TMEM200B: variants seen among roughly 807,000 people sequenced by gnomAD.
TMEM200B encodes the protein transmembrane protein TTMA.
TMEM200B carries 12 observed loss-of-function variants against 17.6 expected under a neutral mutation model. That is an observed-to-expected ratio of 0.68 (90% CI 0.44 to 1.11). The LOEUF is 1.11. TMEM200B is among the 50% of genes least tolerant of loss of function. The probability of loss-of-function intolerance (pLI) is 0.00; values close to 1 mark genes in which losing one functional copy is unlikely to be tolerated. For synonymous variants in TMEM200B, 234 were observed against 209.2 expected, an observed-to-expected ratio of 1.12 and a Z score of -1.02; for missense variants, 456 against 447.6, an observed-to-expected ratio of 1.02 and a Z score of -0.17.
At position 29,121,673 on chromosome 1, in the gene TMEM200B, C is replaced by G; in HGVS notation, c.156G>C (p.Ser52=). The change falls in exon 2 of 2, where the codon TCG becomes TCC. Residue 52 remains serine (S), a synonymous_variant. Transcript: ENST00000521452. This position sits in a 1 kb window ranked among gnomAD's most constrained non-coding sequence, Gnocchi z 5.6. The part of the protein sequence containing the change: ...VRARLRLRSP[S]GAFAALGALV... Reference sequence around the variant, plus strand: ...GCGCCCCCAGCGCCGCGAACGCCCCCGACGGCGAGCGCAGCCGCAGCCGCG... The same window carrying G: ...GCGCCCCCAGCGCCGCGAACGCCCCGGACGGCGAGCGCAGCCGCAGCCGCG... 2.9e-6 allele frequency: 4 copies of G among 1,376,886 alleles called. No homozygotes were observed. Among genetic ancestry groups the G allele is most frequent in the Non-Finnish European group, 3.7e-6 (4 of 1,066,928 alleles). The allele number at this position is 1,376,886 out of a possible 1,614,324, so 85.3% of individuals were successfully genotyped here.
In TMEM200B at chr1:29,121,199, G is replaced by A. The variant is rs756801143; in HGVS notation, c.630C>T (p.Pro210=). The A allele has an allele frequency of 5.0e-6, 8 of 1,613,460 alleles. No individual in the cohort carries two copies. Among genetic ancestry groups the A allele is most frequent in the Non-Finnish European group, 6.8e-6 (8 of 1,180,008 alleles). ...CAGGTAACCCCAAGCGAGGATTAGC[G>A]GGCTCTGAACGCAGACTCCGCACTG... The part of the protein sequence containing the change: ...VPSVRSLRSE[P]ANPRLGLPAL... The change falls in exon 2 of 2, where the codon CCC becomes CCT. Residue 210 remains proline (P), a synonymous_variant. Coordinates refer to ENST00000521452, the MANE Select transcript of TMEM200B (RefSeq NM_001003682.4). This position sits in a 1 kb window ranked among gnomAD's most constrained non-coding sequence, Gnocchi z 5.6.
chr1:29,121,145 G>A lies in TMEM200B; in HGVS notation c.684C>T (p.Gly228=). Residue 228 remains glycine (G), a synonymous_variant, in exon 2 of 2, where the codon GGC becomes GGT. Coordinates refer to ENST00000521452, the MANE Select transcript of TMEM200B (RefSeq NM_001003682.4). The surrounding 1 kb of genome is among the most constrained non-coding windows in gnomAD (Gnocchi z 5.6). ...PALLNSYPLK[G]PGLPPPWGPR... The stretch of plus-strand genomic sequence containing the variant: ...GACCCCAGGGTGGGGGCAGCCCGGG[G>A]CCCTTCAGCGGGTAGCTGTTGAGCA... 1 of 1,613,720 alleles carries A rather than the reference G, an allele frequency of 6.2e-7. No individual in the cohort carries two copies. Among genetic ancestry groups the A allele is most frequent in the Non-Finnish European group, 8.5e-7 (1 of 1,180,030 alleles).
rs1158771295 is a variant in TMEM200B at position 29,119,631 on chromosome 1, G to C, written c.*1274C>G. 3 of 152,472 alleles carry C rather than the reference G, an allele frequency of 2.0e-5. No individual in the cohort carries two copies. Among genetic ancestry groups the C allele is most frequent in the Non-Finnish European group, 4.4e-5 (3 of 68,284 alleles). 9.4% of individuals were successfully genotyped at this position (152,472 alleles called of 1,614,324 possible). On this transcript the variant is annotated 3_prime_UTR_variant, in exon 2 of 2. Coordinates refer to ENST00000521452, the MANE Select transcript of TMEM200B (RefSeq NM_001003682.4). ...CCGCTGGGCCCATCAGTGTGTGTTG[G>C]GGGGATGCTTGGCAGCTGGGGGTGA...
intron 1 of TMEM200B, among the ~76,000 whole-genome samples, 171 bp from the exon 2 acceptor site, chr1:29,122,019 C>A (rs963018738): frequency 3.9e-5 from 6 of 152,118 alleles, no homozygotes; most frequent in South Asian, 2.1e-4. Flanking sequence ...GGGAGCCGCC[C>A]GCGCTCGGGT....
intron 1 of TMEM200B, chr1:29,122,591 C>G (rs1558376625): frequency 1.3e-5 from 2 of 152,428 alleles, no homozygotes. Flanking sequence ...CCCCAGCGGT[C>G]GTGCTGGGGC....
Position 29,121,945 on chromosome 1 carries a change from G to T in TMEM200B, c.-20-97C>A. On this transcript the variant is annotated intron_variant, in intron 1 of 1. Transcript: ENST00000521452. The surrounding 1 kb of genome is among the most constrained non-coding windows in gnomAD (Gnocchi z 5.6). ...CAAATCCGGGAGGGAAGCTCCGGCC[G>T]CCCAGCCCAGGCCGCTTGGAGATCC... 1.1e-6 allele frequency: 1 copy of T among 947,702 alleles called. No homozygotes were observed. Among genetic ancestry groups the T allele is most frequent in the Non-Finnish European group, 1.3e-6 (1 of 761,358 alleles). The allele number at this position is 947,702 out of a possible 1,614,324, so 58.7% of individuals were successfully genotyped here.
rs371150875 is a variant in TMEM200B, at chr1:29,121,822, C to T, written c.7G>A (p.Ala3Thr). MT[A>T]GSPEECGEVR... is the part of the protein sequence containing the mutation. ...TCCCCGCATTCTTCGGGGCTCCCGG[C>T]CGTCATCTCGCCGTCGTCTGGGCGC... is the stretch of plus-strand genomic sequence containing the variant. Residue 3 changes from alanine (A) to threonine (T), a missense_variant, in exon 2 of 2, where the codon GCC becomes ACC. Ala to Thr is a moderately conservative substitution (Grantham distance 58). Coordinates refer to ENST00000521452, the MANE Select transcript of TMEM200B (RefSeq NM_001003682.4). The surrounding 1 kb of genome is among the most constrained non-coding windows in gnomAD (Gnocchi z 5.6). 1.3e-4 allele frequency: 166 copies of T among 1,287,530 alleles called. 1 individual carries two copies. The African/African-American group carries it at 2.5e-3, about 19-fold the overall frequency. The allele number at this position is 1,287,530 out of a possible 1,614,324, so 79.8% of individuals were successfully genotyped here.
In TMEM200B at chr1:29,121,605, C is replaced by T; in HGVS notation, c.224G>A (p.Trp75Ter). 1 of 1,492,668 alleles carries T rather than the reference C, an allele frequency of 6.7e-7. No homozygotes were observed. The highest frequency in any genetic ancestry group is 1.3e-5 in the South Asian group (1 of 79,506). 92.5% of individuals were successfully genotyped at this position (1,492,668 alleles called of 1,614,324 possible). The stretch of plus-strand genomic sequence containing the variant: ...CCCTGGGGCCCCGGCCCGGTGCGGC[C>T]AGTAGCCGGCCACTGCAATGCCCAT... ...VGMGIAVAGYWPHRAGAPGSR... is the reference protein window; with the variant it reads ...VGMGIAVAGY The change falls in exon 2 of 2, where the codon TGG becomes TAG. Residue 75 changes from tryptophan to a stop codon, truncating the protein, a stop_gained. Coordinates refer to ENST00000521452, the MANE Select transcript of TMEM200B (RefSeq NM_001003682.4). LOFTEE classifies it high-confidence loss of function. The surrounding 1 kb of genome is among the most constrained non-coding windows in gnomAD (Gnocchi z 5.6).
At position 29,121,708 on chromosome 1, in the gene TMEM200B, G is replaced by A. The variant is rs1347184330; in HGVS notation, c.121C>T (p.Arg41Trp). ...RRPRSPPEPL[R>W]VRARLRLRSP... ...CGCAGCCGCAGCCGCGCCCGCACCC[G>A]CAGAGGCTCGGGCGGGGAGCGCGGG... The change falls in exon 2 of 2, where the codon CGG becomes TGG. Residue 41 changes from arginine to tryptophan, a missense_variant. By Grantham distance (101) the Arg-to-Trp change is moderately radical. Transcript: ENST00000521452. This position sits in a 1 kb window ranked among gnomAD's most constrained non-coding sequence, Gnocchi z 5.6. 5.5e-6 allele frequency: 7 copies of A among 1,267,398 alleles called. No homozygotes were observed. The highest frequency in any genetic ancestry group is 5.4e-5 in the South Asian group (2 of 37,122). 78.5% of individuals were successfully genotyped at this position (1,267,398 alleles called of 1,614,324 possible). A position where few individuals can be genotyped will look rare whatever the true frequency, so the allele number is the denominator to read the frequency against.
At position 29,121,959 on chromosome 1, in the gene TMEM200B, G is replaced by A. The variant is rs1671818136; in HGVS notation, c.-20-111C>T. The A allele has an allele frequency of 1.2e-6, 1 of 847,184 alleles. No homozygotes were observed. The highest frequency in any genetic ancestry group is 4.9e-5 in the East Asian group (1 of 20,470). 52.5% of individuals were successfully genotyped at this position (847,184 alleles called of 1,614,324 possible). On this transcript the variant is annotated intron_variant, in intron 1 of 1. Coordinates refer to ENST00000521452, the MANE Select transcript of TMEM200B (RefSeq NM_001003682.4). The surrounding 1 kb of genome is among the most constrained non-coding windows in gnomAD (Gnocchi z 5.6). Reference sequence around the variant, plus strand: ...AAGCTCCGGCCGCCCAGCCCAGGCCGCTTGGAGATCCCTGGCGGCCACCCC... The same window carrying A: ...AAGCTCCGGCCGCCCAGCCCAGGCCACTTGGAGATCCCTGGCGGCCACCCC...
At chr1:29,123,556 T>G (rs1671891283) in intron 1 of TMEM200B, among the ~76,000 whole-genome samples, 1 of 149,944 alleles carries the variant, frequency 6.7e-6, no homozygotes, top group African/African-American at 2.5e-5. Context: ...ACAAGCAGAG[T>G]GGGGACATGG....
Position 29,119,581 on chromosome 1 carries a change from A to G in TMEM200B, c.*1324T>C, listed in dbSNP as rs1671545566. ...GGGACCCGTCAGGGCCCCGTGACCC[A>G]TCCCCGTCCCCACCCCCCCCTCCAC... On this transcript the variant is annotated 3_prime_UTR_variant, in exon 2 of 2. Transcript: ENST00000521452. The G allele has an allele frequency of 6.6e-6, 1 of 151,716 alleles. No homozygotes were observed. The highest frequency in any genetic ancestry group is 2.1e-4 in the South Asian group (1 of 4,804). The allele number at this position is 151,716 out of a possible 1,614,324, so 9.4% of individuals were successfully genotyped here.
At position 29,121,223 on chromosome 1, in the gene TMEM200B, T is replaced by C; in HGVS notation, c.606A>G (p.Ser202=). The change falls in exon 2 of 2, where the codon TCA becomes TCG. Residue 202 remains serine, a synonymous_variant. Coordinates refer to ENST00000521452, the MANE Select transcript of TMEM200B (RefSeq NM_001003682.4). The surrounding 1 kb of genome is among the most constrained non-coding windows in gnomAD (Gnocchi z 5.6). ...SPRRGTSPVP[S]VRSLRSEPAN... Reference sequence around the variant, plus strand: ...CGGGCTCTGAACGCAGACTCCGCACTGACGGGACGGGTGAAGTACCCCGAC... The same window carrying C: ...CGGGCTCTGAACGCAGACTCCGCACCGACGGGACGGGTGAAGTACCCCGAC... The C allele has an allele frequency of 6.2e-7, 1 of 1,613,330 alleles. No homozygotes were observed.
Position 29,120,019 on chromosome 1 carries a change from T to TC in TMEM200B, c.*885dup, listed in dbSNP as rs1267564627. On this transcript the variant is annotated 3_prime_UTR_variant, in exon 2 of 2. Coordinates refer to ENST00000521452, the MANE Select transcript of TMEM200B (RefSeq NM_001003682.4). ...TCTTGCTTCTTGTATTGCATTTTTTTCAATAAACAACAACAAAAAGAACTC... is the reference window on the plus strand; with the variant it reads ...TCTTGCTTCTTGTATTGCATTTTTTTCCAATAAACAACAACAAAAAGAACTC... 6.6e-6 allele frequency: 1 copy of TC among 152,644 alleles called. No homozygotes were observed. The highest frequency in any genetic ancestry group is 1.5e-5 in the Non-Finnish European group (1 of 68,042). 9.5% of individuals were successfully genotyped at this position (152,644 alleles called of 1,614,324 possible). A position where few individuals can be genotyped will look rare whatever the true frequency, so the allele number is the denominator to read the frequency against.
intron 1 of TMEM200B, among the ~76,000 whole-genome samples, chr1:29,122,178 C>A (rs1250212984): frequency 3.3e-5 from 5 of 152,142 alleles, no homozygotes; most frequent in Non-Finnish European, 5.9e-5. Flanking sequence ...CGCAAGCCCG[C>A]GGGTCTTGGG....
At chr1:29,122,720 C>A (rs960343098) in intron 1 of TMEM200B, among the ~76,000 whole-genome samples, 2 of 152,178 alleles carry the variant, frequency 1.3e-5, no homozygotes, top group Admixed American at 6.5e-5. Flanking sequence ...CCAATTCGGG[C>A]TCCTCCGGAT....
chr1:29,121,378 C>T lies in TMEM200B; in HGVS notation c.451G>A (p.Val151Met), dbSNP rs1035742904. The T allele has an allele frequency of 1.9e-6, 3 of 1,549,502 alleles. No homozygotes were observed. Among genetic ancestry groups the T allele is most frequent in the African/African-American group, 1.4e-5 (1 of 73,446 alleles). Residue 151 changes from valine to methionine, a missense_variant, in exon 2 of 2, where the codon GTG becomes ATG. By Grantham distance (21) the Val-to-Met change is conservative. Coordinates refer to ENST00000521452, the MANE Select transcript of TMEM200B (RefSeq NM_001003682.4). The surrounding 1 kb of genome is among the most constrained non-coding windows in gnomAD (Gnocchi z 5.6). The part of the protein sequence containing the change: ...DLETRRLRQG[V>M]LRAQALRPPD... ...GGCCGGAGCGCCTGGGCCCGCAGCA[C>T]CCCCTGGCGGAGCCGTCGCGTCTCC...
chr1:29,121,573 C>T lies in TMEM200B; in HGVS notation c.256G>A (p.Ala86Thr). Residue 86 changes from alanine to threonine, a missense_variant, in exon 2 of 2, where the codon GCC becomes ACC. Transcript: ENST00000521452. This position sits in a 1 kb window ranked among gnomAD's most constrained non-coding sequence, Gnocchi z 5.6. ...ATCTGGGGCGAGCTGGCATTGGCGG[C>T]CCGGGACCCTGGGGCCCCGGCCCGG... Reference protein sequence around the residue: ...PHRAGAPGSRAANASSPQMSE... With the variant: ...PHRAGAPGSRTANASSPQMSE... 1 of 1,498,480 alleles carries T rather than the reference C, an allele frequency of 6.7e-7. No individual in the cohort carries two copies. Among genetic ancestry groups the T allele is most frequent in the East Asian group, 2.7e-5 (1 of 37,064 alleles). The allele number at this position is 1,498,480 out of a possible 1,614,324, so 92.8% of individuals were successfully genotyped here.
chr1:29,122,752 G>T (rs1030253681), intron 1 of TMEM200B, among the ~76,000 whole-genome samples: 3 of 152,008 alleles, frequency 2.0e-5, no homozygotes, highest in African/African-American at 7.2e-5. Context: ...CTTTCCCGCC[G>T]CCTGGCCTCC....
Sources: gnomAD v4.1 joint callset for allele counts (sites outside exome capture counted in the v4.1 genomes callset) on GRCh38, gnomAD v4.1.1 for gene constraint, Gnocchi (gnomAD v3.1) non-coding constraint, MANE v1.5 for transcripts, NCBI Gene and HGNC (gene_info 2026-07-23, HGNC 2026-07-21) for gene names.